MOGAT3: variants seen among roughly 807,000 people sequenced by gnomAD.
MOGAT3 encodes the protein monoacylglycerol O-acyltransferase 3.
In MOGAT3, 39 loss-of-function variants were observed where a neutral mutation model predicts 34.4. The ratio of observed to expected loss-of-function variants is 1.13; its 90% CI spans 0.88 to 1.48. The LOEUF is 1.48. Ranked by LOEUF, MOGAT3 falls within the 40% of genes most tolerant of loss-of-function variation. The pLI is 0.00. For missense variants in MOGAT3, 439 were observed against 438.9 expected, an observed-to-expected ratio of 1.00 and a Z score of 0.00; for synonymous variants, 209 against 179.2, an observed-to-expected ratio of 1.17 and a Z score of -1.33.
At position 101,198,760 on chromosome 7, in the gene MOGAT3, C is replaced by T. The variant is rs745763142; in HGVS notation, c.359G>A (p.Cys120Tyr). The T allele has an allele frequency of 3.1e-6, 5 of 1,613,912 alleles. No individual in the cohort carries two copies. The highest frequency in any genetic ancestry group is 1.1e-5 in the South Asian group (1 of 91,078). The change falls in exon 4 of 7, where the codon TGT becomes TAT. Residue 120 changes from cysteine (C) to tyrosine (Y), a missense_variant. Physicochemically the swap from Cys to Tyr is radical, Grantham distance 194. Coordinates refer to ENST00000223114, the MANE Select transcript of MOGAT3 (RefSeq NM_178176.4). Reference sequence around the variant, plus strand: ...GGAGAAATTACAGAGGAAGCCTGTACACATGATCCCATGAGGGTGGGCGCC... The same window carrying T: ...GGAGAAATTACAGAGGAAGCCTGTATACATGATCCCATGAGGGTGGGCGCC... ...VLGAHPHGIM[C>Y]TGFLCNFSTE...
chr7:101,200,734 C>T lies in MOGAT3; in HGVS notation c.109+12G>A, dbSNP rs1352569498. 6.2e-6 allele frequency: 10 copies of T among 1,611,012 alleles called. No individual in the cohort carries two copies. Among genetic ancestry groups the T allele is most frequent in the Admixed American group, 1.7e-5 (1 of 59,878 alleles). On this transcript the variant is annotated intron_variant, in intron 1 of 6. Coordinates refer to ENST00000223114, the MANE Select transcript of MOGAT3 (RefSeq NM_178176.4). ...GGCAGACCCCAGGCACCCACGCCTC[C>T]CCAGCTCTCACCCATGAAGAGGAAA...
At chr7:101,197,637 C>T (rs755852669) in intron 5 of MOGAT3, among the ~76,000 whole-genome samples, 9 of 152,182 alleles carry the variant, frequency 5.9e-5, no homozygotes, top group Non-Finnish European at 1.3e-4. Flanking sequence ...CGGTGGCTCA[C>T]GCCTATAATC....
chr7:101,200,579 C>T, intron 1 of MOGAT3, 64 bp from the exon 2 acceptor site: 1 of 1,391,564 alleles, frequency 7.2e-7, no homozygotes, highest in Non-Finnish European at 1.0e-6. Flanking sequence ...TCCAGCTGCT[C>T]CCTTCCCTTC....
chr7:101,196,303 C>T lies in MOGAT3; in HGVS notation c.755G>A (p.Cys252Tyr). The T allele has an allele frequency of 6.2e-7, 1 of 1,613,896 alleles. No homozygotes were observed. The highest frequency in any genetic ancestry group is 8.5e-7 in the Non-Finnish European group (1 of 1,179,902). The stretch of plus-strand genomic sequence containing the variant: ...CATGAGCTTCTTGAAGGTGAGCTGG[C>T]ACCAATGCTGCCAGGAGCCTGTGGC... ...AFATGSWQHW[C>Y]QLTFKKLMGF... Residue 252 changes from cysteine (C) to tyrosine (Y), a missense_variant, in exon 6 of 7, where the codon TGC becomes TAC. Cys to Tyr is a radical substitution (Grantham distance 194, BLOSUM62 -2). Coordinates refer to ENST00000223114, the MANE Select transcript of MOGAT3 (RefSeq NM_178176.4).
At chr7:101,193,773 T>C (rs1797724913), downstream of MOGAT3, among the ~76,000 whole-genome samples, 1 of 152,148 alleles carries the variant, frequency 6.6e-6, no homozygotes. Flanking sequence ...ATGTAGAACT[T>C]ATTATCTGAG....
intron 3 of MOGAT3, among the ~76,000 whole-genome samples, chr7:101,199,638 A>G (rs1797897353): frequency 7.9e-6 from 1 of 126,250 alleles, no homozygotes; most frequent in Admixed American, 9.2e-5. Context: ...TTTTTTAGAG[A>G]CGGTCTCACT....
chr7:101,194,032 T>C (rs551141010), downstream of MOGAT3, among the ~76,000 whole-genome samples: 26 of 151,450 alleles, frequency 1.7e-4, no homozygotes, highest in Non-Finnish European at 3.5e-4. Flanking sequence ...CTCGCTTCGT[T>C]ACCCAGGCTG....
downstream of MOGAT3, among the ~76,000 whole-genome samples, chr7:101,193,074 T>C (rs183965534): frequency 2.6e-5 from 4 of 152,074 alleles, no homozygotes; most frequent in East Asian, 7.8e-4. Context: ...CGAGACTCCA[T>C]CTCAAAAAAC....
chr7:101,198,213 C>G lies in MOGAT3; in HGVS notation c.646G>C (p.Val216Leu), dbSNP rs763000022. The G allele has an allele frequency of 3.1e-6, 5 of 1,612,856 alleles. No homozygotes were observed. In the African/African-American group the frequency reaches 4.0e-5, roughly 13 times the overall value. ...CLTLQKRKGF[V>L]RLALRHGASL... ...CACCCGTGCCTCAGCGCCAGGCGCA[C>G]GAAGCCTTTGCGCTTCTGGAGCGTA... Residue 216 changes from valine to leucine, a missense_variant, in exon 5 of 7, where the codon GTG becomes CTG. Coordinates refer to ENST00000223114, the MANE Select transcript of MOGAT3 (RefSeq NM_178176.4).
Position 101,200,964 on chromosome 7 carries a change from G to T in MOGAT3, c.-110C>A. 1.2e-6 allele frequency: 1 copy of T among 812,996 alleles called. No homozygotes were observed. Among genetic ancestry groups the T allele is most frequent in the South Asian group, 1.8e-5 (1 of 56,016 alleles). 50.4% of individuals were successfully genotyped at this position (812,996 alleles called of 1,614,324 possible). On this transcript the variant is annotated 5_prime_UTR_variant, in exon 1 of 7. Transcript: ENST00000223114. ...TCCCTACAGGAGCCCAGCTTTGGGG[G>T]CCTGGCTAAGTCGCAAATCACCTCC...
rs147727424 is a variant in MOGAT3, at chr7:101,198,235, C to T, written c.624G>A (p.Thr208=). The T allele has an allele frequency of 3.4e-4, 544 of 1,613,624 alleles. No individual in the cohort carries two copies. The highest frequency in any genetic ancestry group is 4.3e-4 in the Non-Finnish European group (504 of 1,179,792). The part of the protein sequence containing the change: ...LYSVPGEHCL[T]LQKRKGFVRL... The stretch of plus-strand genomic sequence containing the variant: ...GCACGAAGCCTTTGCGCTTCTGGAG[C>T]GTAAGGCAGTGCTCCCCGGGGACTG... The change falls in exon 5 of 7, where the codon ACG becomes ACA. Residue 208 remains threonine (T), a synonymous_variant. Transcript: ENST00000223114.
At position 101,196,438 on chromosome 7, in the gene MOGAT3, C is replaced by A. The variant is rs115025941; in HGVS notation, c.669-49G>T. 2.1e-5 allele frequency: 30 copies of A among 1,423,908 alleles called. No individual in the cohort carries two copies. The East Asian group carries it at 2.5e-4, about 12-fold the overall frequency. The allele number at this position is 1,423,908 out of a possible 1,614,324, so 88.2% of individuals were successfully genotyped here. A position where few individuals can be genotyped will look rare whatever the true frequency, so the allele number is the denominator to read the frequency against. On this transcript the variant is annotated intron_variant, in intron 5 of 6. Coordinates refer to ENST00000223114, the MANE Select transcript of MOGAT3 (RefSeq NM_178176.4). ...GGGGGCTCAGGCTGCTGGACTGCTC[C>A]GAGATGGGCACCCCCAGGGGCTACA...
chr7:101,200,159 C>A, intron 3 of MOGAT3, 75 bp downstream of exon 3: 1 of 1,307,672 alleles, frequency 7.6e-7, no homozygotes, highest in Non-Finnish European at 1.1e-6. Context: ...GGCCCCAGCA[C>A]AAGGAAGGGC....
In MOGAT3 at chr7:101,201,029, C is replaced by A; in HGVS notation, c.-175G>T. The A allele has an allele frequency of 1.8e-6, 1 of 548,318 alleles. No homozygotes were observed. Among genetic ancestry groups the A allele is most frequent in the South Asian group, 2.3e-5 (1 of 43,076 alleles). 34.0% of individuals were successfully genotyped at this position (548,318 alleles called of 1,614,324 possible). A position where few individuals can be genotyped will look rare whatever the true frequency, so the allele number is the denominator to read the frequency against. On this transcript the variant is annotated 5_prime_UTR_variant, in exon 1 of 7. Coordinates refer to ENST00000223114, the MANE Select transcript of MOGAT3 (RefSeq NM_178176.4). Reference sequence around the variant, plus strand: ...TCCGTAGGTGTGTGAGTGGGGAGATCTTTGGATCCAGAGCCCCAGATGTCT... The same window carrying A: ...TCCGTAGGTGTGTGAGTGGGGAGATATTTGGATCCAGAGCCCCAGATGTCT...
At chr7:101,193,906 A>G (rs1797726942), downstream of MOGAT3, among the ~76,000 whole-genome samples, 1 of 152,322 alleles carries the variant, frequency 6.6e-6, no homozygotes, top group Non-Finnish European at 1.5e-5. Flanking sequence ...CATTTCAATG[A>G]GTTATTCTTG....
intron 1 of MOGAT3, 37 bp from the exon 2 acceptor site, chr7:101,200,552 G>A: frequency 6.7e-7 from 1 of 1,496,288 alleles, no homozygotes; most frequent in South Asian, 1.2e-5. Flanking sequence ...GTTCACTTCT[G>A]AAACTCCATC....
Position 101,199,815 on chromosome 7 carries a change from C to T in MOGAT3, c.288+419G>A, listed in dbSNP as rs576804657. On this transcript the variant is annotated intron_variant, in intron 3 of 6. Transcript: ENST00000223114. The stretch of plus-strand genomic sequence containing the variant: ...TCTTGAACATCATCCACTCCCAGGC[C>T]GGGCGCGGTGGCTCAAGGCTGTAAT... Among the ~76,000 whole-genome samples the T allele has an allele frequency of 1.1e-4, 17 of 147,986 alleles. No homozygotes were observed. The South Asian group carries it at 1.4e-3, about 12-fold the overall frequency.
chr7:101,198,618 C>T lies in MOGAT3; in HGVS notation c.493+8G>A. On this transcript the variant is annotated splice_region_variant and intron_variant, in intron 4 of 6. Coordinates refer to ENST00000223114, the MANE Select transcript of MOGAT3 (RefSeq NM_178176.4). ...CTCCTCCCGTTCTCCTCCTCCCATT[C>T]GGCTCACCAAAGGACATGATGTAGT... 6.2e-7 allele frequency: 1 copy of T among 1,611,628 alleles called. No homozygotes were observed. The highest frequency in any genetic ancestry group is 8.5e-7 in the Non-Finnish European group (1 of 1,179,496).
Position 101,195,881 on chromosome 7 carries a change from G to T in MOGAT3, c.*65C>A. 1 of 1,547,414 alleles carries T rather than the reference G, an allele frequency of 6.5e-7. No individual in the cohort carries two copies. Among genetic ancestry groups the T allele is most frequent in the Middle Eastern group, 1.9e-4 (1 of 5,320 alleles). On this transcript the variant is annotated 3_prime_UTR_variant, in exon 7 of 7. Coordinates refer to ENST00000223114, the MANE Select transcript of MOGAT3 (RefSeq NM_178176.4). Reference sequence around the variant, plus strand: ...AACTACCTTTTATTGGAGGCATGGAGTCCACAGTGGGTGGAGGTCTCAGTG... The same window carrying T: ...AACTACCTTTTATTGGAGGCATGGATTCCACAGTGGGTGGAGGTCTCAGTG...
Sources: allele counts gnomAD v4.1 joint callset (sites outside exome capture counted in the v4.1 genomes callset), GRCh38; gene constraint gnomAD v4.1.1; transcripts MANE v1.5; gene names NCBI Gene and HGNC (gene_info 2026-07-23, HGNC 2026-07-21).